Variants in CHRM3 observed in about 807,000 individuals in gnomAD.
CHRM3 encodes cholinergic receptor muscarinic 3.
A neutral mutation model predicts 41.8 loss-of-function variants in CHRM3; 11 were observed. The observed-to-expected ratio is 0.26, with a 90% CI of 0.17 to 0.44. CHRM3 has a LOEUF of 0.44. CHRM3 is among the 20% of genes least tolerant of loss of function. The pLI is 1.00. For synonymous variants in CHRM3, 297 were observed against 301.4 expected (o/e 0.99, Z 0.15); for missense variants, 571 against 745.4 (o/e 0.77, Z 2.72).
chr1:239,774,907 G>T (rs1667971163), intron 5 of CHRM3, among the ~76,000 whole-genome samples: 1 of 152,134 alleles, frequency 6.6e-6, no homozygotes, highest in Non-Finnish European at 1.5e-5. Context: ...TGTGAGGGAA[G>T]CTTATTTAAA....
chr1:239,813,176 G>T (rs908466622), intron 5 of CHRM3, among the ~76,000 whole-genome samples: 1 of 152,176 alleles, frequency 6.6e-6, no homozygotes, highest in Non-Finnish European at 1.5e-5. Context: ...TACTTGGGAG[G>T]CTGAGGCAGG....
At chr1:239,540,738 C>T (rs1206660535) in intron 2 of CHRM3, among the ~76,000 whole-genome samples, 1 of 151,994 alleles carries the variant, frequency 6.6e-6, no homozygotes, top group Non-Finnish European at 1.5e-5. Flanking sequence ...CTAATACATG[C>T]CATTTTATAT....
At chr1:239,775,877 G>A (rs1372061433) in intron 5 of CHRM3, among the ~76,000 whole-genome samples, 1 of 152,230 alleles carries the variant, frequency 6.6e-6, no homozygotes, top group Non-Finnish European at 1.5e-5. Context: ...GTTCTCACCT[G>A]TGCTGAATGA....
chr1:239,671,542 C>G (rs893912653), intron 4 of CHRM3, among the ~76,000 whole-genome samples: 1 of 152,132 alleles, frequency 6.6e-6, no homozygotes, highest in Admixed American at 6.5e-5. Flanking sequence ...CCAGTGCACT[C>G]CAGCCTGGGT....
At chr1:239,442,500 G>A (rs1384928981) in intron 1 of CHRM3, among the ~76,000 whole-genome samples, 1 of 151,742 alleles carries the variant, frequency 6.6e-6, no homozygotes, top group East Asian at 1.9e-4. Flanking sequence ...TGAAAGATGT[G>A]AACTGTCTCT....
chr1:239,500,709 A>G (rs925486260), intron 2 of CHRM3, among the ~76,000 whole-genome samples: 9 of 145,948 alleles, frequency 6.2e-5, no homozygotes, highest in African/African-American at 2.2e-4. Flanking sequence ...AAAAAAAAAC[A>G]CAAACAACAA....
intron 1 of CHRM3, among the ~76,000 whole-genome samples, chr1:239,443,529 G>A (rs1375797961): frequency 1.3e-5 from 2 of 152,142 alleles, no homozygotes; most frequent in African/African-American, 2.4e-5. Context: ...TGTCTGTGAA[G>A]AAAAACTGCT....
At chr1:239,662,146 TCTTA>T (rs1673264076) in intron 4 of CHRM3, among the ~76,000 whole-genome samples, 1 of 151,228 alleles carries the variant, frequency 6.6e-6, no homozygotes, top group Non-Finnish European at 1.5e-5. Flanking sequence ...TGTGTGTGTA[TCTTA>T]CTGTGGATAA....
chr1:239,669,175 T>C (rs1322935229), intron 4 of CHRM3, among the ~76,000 whole-genome samples: 1 of 152,102 alleles, frequency 6.6e-6, no homozygotes, highest in Non-Finnish European at 1.5e-5. Context: ...GAGCCAGCGT[T>C]CCCCGAAGTT....
intron 5 of CHRM3, among the ~76,000 whole-genome samples, chr1:239,733,267 C>T (rs897055797): frequency 1.3e-5 from 2 of 152,044 alleles, no homozygotes; most frequent in African/African-American, 4.8e-5. Flanking sequence ...AAAGTGGAGA[C>T]TGGGTGTGGC....
chr1:239,657,768 G>A (rs1394826784), intron 4 of CHRM3, among the ~76,000 whole-genome samples: 1 of 152,082 alleles, frequency 6.6e-6, no homozygotes, highest in Non-Finnish European at 1.5e-5. Context: ...ACATTTATAG[G>A]TGCCCTTTAT....
intron 5 of CHRM3, chr1:239,719,506 C>T (rs1662722437): frequency 6.6e-6 from 1 of 151,934 alleles, no homozygotes; most frequent in Admixed American, 6.6e-5. Flanking sequence ...CTGATTTTAT[C>T]AAGCCACCGG....
intron 6 of CHRM3, among the ~76,000 whole-genome samples, chr1:239,835,404 G>A (rs191002233): frequency 3.3e-5 from 5 of 152,010 alleles, no homozygotes; most frequent in Admixed American, 6.5e-5. Flanking sequence ...TGCCCACTAC[G>A]TTCTCTGCAC....
chr1:239,713,978 T>C (rs1662082540), intron 5 of CHRM3, among the ~76,000 whole-genome samples: 1 of 152,182 alleles, frequency 6.6e-6, no homozygotes, highest in Non-Finnish European at 1.5e-5. Flanking sequence ...ATTTCTTTCA[T>C]ATCATTTGGG....
chr1:239,615,998 C>T (rs1269912092), intron 3 of CHRM3, among the ~76,000 whole-genome samples: 4 of 152,164 alleles, frequency 2.6e-5, no homozygotes, highest in African/African-American at 9.7e-5. Flanking sequence ...ACTTTTGCCT[C>T]TATCGTTGTT....
At position 239,634,862 on chromosome 1, in the gene CHRM3, T is replaced by C. The variant is rs1016401086; in HGVS notation, c.-250+2576T>C. On this transcript the variant is annotated intron_variant, in intron 4 of 6. Transcript: ENST00000676153. ...AATGCAGGGGATAGCCTAGCAATTTTTGGCATTATAAAAAGCCATTTCACC... is the reference window on the plus strand; with the variant it reads ...AATGCAGGGGATAGCCTAGCAATTTCTGGCATTATAAAAAGCCATTTCACC... Among the ~76,000 whole-genome samples, 3 of 152,332 alleles carry C rather than the reference T, an allele frequency of 2.0e-5. No individual in the cohort carries two copies. In the East Asian group the frequency reaches 5.8e-4, roughly 29 times the overall value.
At chr1:239,496,746 A>G (rs927822201) in intron 2 of CHRM3, among the ~76,000 whole-genome samples, 9 of 152,006 alleles carry the variant, frequency 5.9e-5, no homozygotes, top group African/African-American at 2.2e-4. Context: ...TTTTAAAAAG[A>G]ATTTTGTTGT....
intron 1 of CHRM3, among the ~76,000 whole-genome samples, chr1:239,420,444 A>G (rs1661864094): frequency 6.6e-6 from 1 of 152,174 alleles, no homozygotes; most frequent in Non-Finnish European, 1.5e-5. Flanking sequence ...TGGATTCAGT[A>G]GATTTGGAAA....
rs140972794 is a variant in CHRM3 at position 239,603,491 on chromosome 1, A to C, written c.-312-28733A>C. 6.4e-3 allele frequency among the ~76,000 whole-genome samples: 969 copies of C among 152,158 alleles called. 6 individuals carry two copies. Among genetic ancestry groups the C allele is most frequent in the Non-Finnish European group, 0.01 (688 of 68,004 alleles). ...CTCATCTACTTGTTCTCACCTGGGG[A>C]TGGTGTTCAGTTAGCATTTGGAAGG... On this transcript the variant is annotated intron_variant, in intron 3 of 6. Transcript: ENST00000676153.
Sources: gnomAD v4.1 joint callset for allele counts (sites outside exome capture counted in the v4.1 genomes callset) on GRCh38, gnomAD v4.1.1 for gene constraint, MANE v1.5 for transcripts, NCBI Gene and HGNC (gene_info 2026-07-23, HGNC 2026-07-21) for gene names.